The following IQSEC3 variants were observed in gnomAD, a reference collection of about 807,000 sequenced individuals.
IQSEC3 encodes IQ motif and SEC7 domain-containing protein 3.
IQSEC3 carries 50 observed loss-of-function variants against 105.4 expected under a neutral mutation model. That is an observed-to-expected ratio of 0.47 (90% confidence interval 0.38 to 0.60). The LOEUF (loss-of-function observed/expected upper bound fraction) is 0.60, where lower values mean the gene tolerates loss of function less well. IQSEC3 is among the 20% of genes least tolerant of loss of function. IQSEC3 has a pLI of 0.00. For synonymous variants in IQSEC3, 708 were observed against 746.0 expected, an observed-to-expected ratio of 0.95 and a Z score of 0.83; for missense variants, 1,415 against 1,630.0, an observed-to-expected ratio of 0.87 and a Z score of 2.27.
chr12:133,630 C>G lies in IQSEC3; in HGVS notation c.904-4637C>G, dbSNP rs1374424010. 3.7e-3 allele frequency among the ~76,000 whole-genome samples: 442 copies of G among 120,584 alleles called. 1 individual carries two copies. Among genetic ancestry groups the G allele is most frequent in the Middle Eastern group, 0.019 (3 of 158 alleles). 79.1% of individuals were successfully genotyped at this position (120,584 alleles called of 152,430 possible). A position where few individuals can be genotyped will look rare whatever the true frequency, so the allele number is the denominator to read the frequency against. On this transcript the variant is annotated intron_variant, in intron 3 of 13. Coordinates refer to ENST00000538872, the MANE Select transcript of IQSEC3 (RefSeq NM_001170738.2). Reference sequence around the variant, plus strand: ...TGGCCTTTGCTCCTGGAGTGAGGCACAGGTTAGTGTTCTGGAGGTTCAGTG... The same window carrying G: ...TGGCCTTTGCTCCTGGAGTGAGGCAGAGGTTAGTGTTCTGGAGGTTCAGTG...
At chr12:71,272 A>G (rs1205606157) in intron 1 of IQSEC3, among the ~76,000 whole-genome samples, 1 of 152,280 alleles carries the variant, frequency 6.6e-6, no homozygotes, top group Non-Finnish European at 1.5e-5. Flanking sequence ...CCTGGAAACT[A>G]TTAAGAAAGA....
intron 1 of IQSEC3, among the ~76,000 whole-genome samples, chr12:86,330 C>T (rs928360029): frequency 6.6e-6 from 1 of 152,144 alleles, no homozygotes; most frequent in Non-Finnish European, 1.5e-5. Flanking sequence ...AGCCTGGGAT[C>T]ACTGGCTGAG....
intron 1 of IQSEC3, among the ~76,000 whole-genome samples, chr12:91,241 C>A (rs1565388377): frequency 6.6e-6 from 1 of 152,214 alleles, no homozygotes; most frequent in Non-Finnish European, 1.5e-5. Flanking sequence ...GTACTGCACT[C>A]TTCATCAGTT....
intron 1 of IQSEC3, among the ~76,000 whole-genome samples, chr12:88,147 T>A (rs1320160483): frequency 6.6e-6 from 1 of 152,170 alleles, no homozygotes; most frequent in Non-Finnish European, 1.5e-5. Context: ...TTTTTCAAAA[T>A]TAAACCTAAC....
rs782023428 is a variant in IQSEC3, at chr12:139,154, GAGC to G, written c.1802_1804del (p.Ser601del). 4.5e-6 allele frequency: 7 copies of G among 1,556,312 alleles called. No homozygotes were observed. Among genetic ancestry groups the G allele is most frequent in the Non-Finnish European group, 6.1e-6 (7 of 1,152,592 alleles). Reference sequence around the variant, plus strand: ...CCGAGGCAGGCGACTTGGAGCAGCTGAGCAGCAGCAGCACGTCCACCAAGTCCG... The same window carrying G: ...CCGAGGCAGGCGACTTGGAGCAGCTGAGCAGCAGCACGTCCACCAAGTCCG... On this transcript the variant is annotated inframe_deletion, in exon 4 of 14. Coordinates refer to ENST00000538872, the MANE Select transcript of IQSEC3 (RefSeq NM_001170738.2).
At chr12:105,105 C>G (rs1864600865) in intron 2 of IQSEC3, among the ~76,000 whole-genome samples, 1 of 152,274 alleles carries the variant, frequency 6.6e-6, no homozygotes, top group South Asian at 2.1e-4. Flanking sequence ...CGGCTTCCCC[C>G]ACAGGCCCCA....
chr12:151,476 C>A (rs1555092675), intron 5 of IQSEC3, among the ~76,000 whole-genome samples: 1 of 152,162 alleles, frequency 6.6e-6, no homozygotes, highest in African/African-American at 2.4e-5. Context: ...CTGCCTTAGC[C>A]CAAGCCCCAT....
chr12:112,007 T>C (rs1353707676), intron 2 of IQSEC3, among the ~76,000 whole-genome samples: 14 of 152,186 alleles, frequency 9.2e-5, no homozygotes, highest in African/African-American at 3.4e-4. Context: ...TCTCCCCTGG[T>C]TCCTCATAGG....
intron 2 of IQSEC3, among the ~76,000 whole-genome samples, chr12:124,539 G>A (rs1180996660): frequency 1.3e-5 from 2 of 152,188 alleles, no homozygotes; most frequent in Non-Finnish European, 2.9e-5. Context: ...TTAGGACAAG[G>A]GAACCAAGAC....
chr12:140,917 T>G, intron 4 of IQSEC3: 1 of 480,248 alleles, frequency 2.1e-6, no homozygotes, highest in Non-Finnish European at 3.6e-6. Context: ...TTCACTTTGT[T>G]TGCAGATCTC....
intron 1 of IQSEC3, among the ~76,000 whole-genome samples, chr12:67,984 A>T (rs1555066468): frequency 1.3e-5 from 2 of 151,020 alleles, no homozygotes; most frequent in African/African-American, 4.9e-5. Context: ...CCTGAAAAGC[A>T]GGAGTGATGT....
At chr12:75,854 C>T (rs1863498431) in intron 1 of IQSEC3, among the ~76,000 whole-genome samples, 1 of 152,352 alleles carries the variant, frequency 6.6e-6, no homozygotes, top group East Asian at 1.9e-4. Flanking sequence ...AGCTCACTGT[C>T]CTGAAGCTGA....
chr12:172,441 C>A (rs1247037922), intron 13 of IQSEC3, among the ~76,000 whole-genome samples: 1 of 152,140 alleles, frequency 6.6e-6, no homozygotes, highest in Non-Finnish European at 1.5e-5. Context: ...CCTGCCCTAG[C>A]CTGAGCTACC....
At chr12:98,459 T>C (rs782149639) in intron 1 of IQSEC3, among the ~76,000 whole-genome samples, 8 of 152,236 alleles carry the variant, frequency 5.3e-5, no homozygotes, top group African/African-American at 7.2e-5. Flanking sequence ...CAGCTAGGGC[T>C]GAGAACCACT....
At chr12:153,079 A>G (rs899784303) in intron 5 of IQSEC3, among the ~76,000 whole-genome samples, 2 of 152,050 alleles carry the variant, frequency 1.3e-5, no homozygotes, top group South Asian at 4.2e-4. Flanking sequence ...CAGGACAGAG[A>G]GTGAGAGAAG....
chr12:88,132 T>A (rs977412860), intron 1 of IQSEC3, among the ~76,000 whole-genome samples: 1 of 152,198 alleles, frequency 6.6e-6, no homozygotes, highest in Non-Finnish European at 1.5e-5. Flanking sequence ...AAAAGGAAAC[T>A]TATTTTTTTC....
intron 5 of IQSEC3, among the ~76,000 whole-genome samples, chr12:149,687 C>T (rs999645566): frequency 4.6e-5 from 7 of 152,120 alleles, no homozygotes; most frequent in Admixed American, 3.3e-4. Context: ...GGGAGATAAA[C>T]GCAATGGTCG....
chr12:100,758 A>G (rs1555075969), intron 2 of IQSEC3, among the ~76,000 whole-genome samples: 2 of 152,206 alleles, frequency 1.3e-5, no homozygotes, highest in African/African-American at 2.4e-5. Flanking sequence ...GTGGGACATC[A>G]GGATACCCTC....
intron 1 of IQSEC3, among the ~76,000 whole-genome samples, chr12:92,050 C>T (rs1451043154): frequency 2.0e-5 from 3 of 152,172 alleles, no homozygotes; most frequent in Non-Finnish European, 4.4e-5. Context: ...ATAAAAACCT[C>T]ATACTGGGCC....
Sources: allele counts gnomAD v4.1 joint callset (sites outside exome capture counted in the v4.1 genomes callset), GRCh38; gene constraint gnomAD v4.1.1; transcripts MANE v1.5; gene names NCBI Gene and HGNC (gene_info 2026-07-23, HGNC 2026-07-21).